The following ALK variants were observed in gnomAD, a reference collection of about 807,000 sequenced individuals.
ALK encodes ALK tyrosine kinase receptor.
ALK carries 74 observed loss-of-function variants against 163.1 expected under a neutral mutation model. That is an observed-to-expected ratio of 0.45 (90% CI 0.38 to 0.55). The LOEUF (loss-of-function observed/expected upper bound fraction) is 0.55, where lower values mean the gene tolerates loss of function less well. Ranked by LOEUF, ALK falls within the 20% of genes least tolerant of loss-of-function variation. The probability of loss-of-function intolerance (pLI) is 0.00; values close to 1 mark genes in which losing one functional copy is unlikely to be tolerated. For synonymous variants in ALK, 960 were observed against 843.2 expected (o/e 1.14, Z -2.40); for missense variants, 2,063 against 2,105.3 (o/e 0.98, Z 0.39).
intron 1 of ALK, among the ~76,000 whole-genome samples, chr2:29,835,909 A>G (rs1665545596): frequency 6.6e-6 from 1 of 152,096 alleles, no homozygotes; most frequent in Non-Finnish European, 1.5e-5. Context: ...TTCTTTACAA[A>G]TCACCCAGTC....
chr2:29,837,838 G>A (rs376002536), intron 1 of ALK, among the ~76,000 whole-genome samples: 4 of 152,100 alleles, frequency 2.6e-5, no homozygotes, highest in Admixed American at 6.5e-5. Context: ...AAGAAAATGT[G>A]ACTCATTTCC....
At chr2:29,665,235 C>A (rs1677480146) in intron 3 of ALK, among the ~76,000 whole-genome samples, 1 of 151,940 alleles carries the variant, frequency 6.6e-6, no homozygotes, top group Non-Finnish European at 1.5e-5. Context: ...AATCCACCCA[C>A]CTCAGCCTCC....
At chr2:29,285,019 T>A (rs1665815659) in intron 9 of ALK, among the ~76,000 whole-genome samples, 1 of 152,204 alleles carries the variant, frequency 6.6e-6, no homozygotes, top group African/African-American at 2.4e-5. Flanking sequence ...GTTCACTTAA[T>A]AATTTTAAGT....
intron 3 of ALK, among the ~76,000 whole-genome samples, chr2:29,554,547 T>C (rs1434380337): frequency 1.3e-5 from 2 of 152,244 alleles, no homozygotes; most frequent in Non-Finnish European, 1.5e-5. Flanking sequence ...CAGTAACCAC[T>C]TGAATATCTG....
At chr2:29,226,215 A>T (rs1441788521) in intron 18 of ALK, among the ~76,000 whole-genome samples, 2 of 152,150 alleles carry the variant, frequency 1.3e-5, no homozygotes, top group East Asian at 3.9e-4. Flanking sequence ...GCGGTGGCTC[A>T]CACCTGTAAT....
intron 8 of ALK, among the ~76,000 whole-genome samples, chr2:29,314,077 G>A (rs1351425744): frequency 6.6e-6 from 1 of 152,126 alleles, no homozygotes; most frequent in Non-Finnish European, 1.5e-5. Context: ...GCGTCACACT[G>A]AGAGGCTGGA....
At chr2:29,805,676 T>C (rs1664591160) in intron 1 of ALK, among the ~76,000 whole-genome samples, 1 of 152,228 alleles carries the variant, frequency 6.6e-6, no homozygotes, top group African/African-American at 2.4e-5. Flanking sequence ...CATGATCTTG[T>C]TCTTTTTTAT....
At chr2:29,855,248 A>G (rs1445028979) in intron 1 of ALK, among the ~76,000 whole-genome samples, 1 of 152,168 alleles carries the variant, frequency 6.6e-6, no homozygotes, top group Non-Finnish European at 1.5e-5. Context: ...CAATATTATT[A>G]TTATTTTTTC....
intron 5 of ALK, among the ~76,000 whole-genome samples, chr2:29,361,740 G>C (rs953460123): frequency 1.3e-5 from 2 of 152,170 alleles, no homozygotes; most frequent in African/African-American, 4.8e-5. Flanking sequence ...CTTTGGGCTG[G>C]AAACCCTCAA....
chr2:29,226,800 G>T, intron 18 of ALK, 122 bp downstream of exon 18: 1 of 1,241,050 alleles, frequency 8.1e-7, no homozygotes, highest in Non-Finnish European at 1.2e-6. Context: ...TGGCAGGTAG[G>T]GGAGGGACAG....
At chr2:29,502,740 A>G (rs1672220174) in intron 4 of ALK, among the ~76,000 whole-genome samples, 1 of 152,052 alleles carries the variant, frequency 6.6e-6, no homozygotes, top group African/African-American at 2.4e-5. Context: ...TCATCCTACA[A>G]TGTTAAATAT....
intron 3 of ALK, among the ~76,000 whole-genome samples, chr2:29,637,497 T>C (rs1490912258): frequency 3.3e-5 from 5 of 152,048 alleles, no homozygotes; most frequent in African/African-American, 1.2e-4. Flanking sequence ...TCATTTGAGG[T>C]TGGGAGTTCG....
At chr2:29,715,480 G>A (rs1315949013) in intron 2 of ALK, among the ~76,000 whole-genome samples, 1 of 152,142 alleles carries the variant, frequency 6.6e-6, no homozygotes, top group East Asian at 1.9e-4. Context: ...TGAAGCTCAG[G>A]GAGCACCACA....
At chr2:29,256,713 G>A (rs1030413902) in intron 11 of ALK, among the ~76,000 whole-genome samples, 19 of 152,080 alleles carry the variant, frequency 1.2e-4, no homozygotes, top group Non-Finnish European at 2.5e-4. Flanking sequence ...GCCACTATGA[G>A]GGGACAGGTG....
At chr2:29,676,423 C>G (rs74337532) in intron 3 of ALK, among the ~76,000 whole-genome samples, 3,378 of 152,052 alleles carry the variant, frequency 0.022, 37 homozygotes, top group Middle Eastern at 0.048. Context: ...ATTATTCCAG[C>G]ACCATTTCTT....
At chr2:29,631,780 A>G (rs1364916199) in intron 3 of ALK, among the ~76,000 whole-genome samples, 1 of 152,248 alleles carries the variant, frequency 6.6e-6, no homozygotes, top group African/African-American at 2.4e-5. Context: ...GTGGCCCTCA[A>G]GGCCCCACAC....
intron 4 of ALK, among the ~76,000 whole-genome samples, chr2:29,451,581 C>T (rs1364563937): frequency 6.6e-6 from 1 of 152,170 alleles, no homozygotes; most frequent in Non-Finnish European, 1.5e-5. Context: ...ATAACTTCCT[C>T]CTCTCAACCC....
At chr2:29,620,381 C>G (rs548936404) in intron 3 of ALK, among the ~76,000 whole-genome samples, 8 of 152,236 alleles carry the variant, frequency 5.3e-5, no homozygotes, top group African/African-American at 1.7e-4. Context: ...CTACCTTCCT[C>G]CAGTAGGACC....
At chr2:29,767,937 T>C (rs1218514809) in intron 1 of ALK, among the ~76,000 whole-genome samples, 2 of 152,250 alleles carry the variant, frequency 1.3e-5, no homozygotes, top group East Asian at 3.8e-4. Context: ...TGATGATTAC[T>C]CATTAGGTAG....
Sources: gnomAD v4.1 joint callset for allele counts (sites outside exome capture counted in the v4.1 genomes callset) on GRCh38, gnomAD v4.1.1 for gene constraint, MANE v1.5 for transcripts, NCBI Gene and HGNC (gene_info 2026-07-23, HGNC 2026-07-21) for gene names.